WDFY1: variants seen among roughly 807,000 people sequenced by gnomAD.
WDFY1 encodes WD repeat and FYVE domain-containing protein 1.
Under a neutral mutation model 56.4 loss-of-function variants are expected in WDFY1, and 32 were observed. The ratio of observed to expected loss-of-function variants is 0.57; its 90% confidence interval spans 0.43 to 0.76. The LOEUF (loss-of-function observed/expected upper bound fraction) is 0.76. Among genes scored for constraint, WDFY1 ranks in the 30% least tolerant of loss-of-function variants. The probability of loss-of-function intolerance (pLI) is 0.00; values close to 1 mark genes in which losing one functional copy is unlikely to be tolerated. For synonymous variants in WDFY1, 192 were observed against 197.3 expected (o/e 0.97, Z 0.23); for missense variants, 480 against 545.7 (o/e 0.88, Z 1.20).
intron 1 of WDFY1, among the ~76,000 whole-genome samples, chr2:223,943,842 C>T (rs996060061): frequency 6.6e-6 from 1 of 152,212 alleles, no homozygotes; most frequent in African/African-American, 2.4e-5. Context: ...TAGCAGCAAG[C>T]TACACCTCCA....
intron 1 of WDFY1, among the ~76,000 whole-genome samples, chr2:223,922,962 C>A (rs189899753): frequency 1.3e-3 from 205 of 152,290 alleles, no homozygotes; most frequent in African/African-American, 4.7e-3. Context: ...CAAATTGGAC[C>A]TATGCTGGGA....
intron 1 of WDFY1, among the ~76,000 whole-genome samples, chr2:223,940,641 C>CT (rs1297797762): frequency 4.7e-4 from 63 of 132,870 alleles, no homozygotes; most frequent in African/African-American, 1.6e-3. Flanking sequence ...TTCCTTATTT[C>CT]TTTCTTTTTT....
chr2:223,887,105 T>C (rs996305042), intron 8 of WDFY1, among the ~76,000 whole-genome samples: 1 of 152,198 alleles, frequency 6.6e-6, no homozygotes, highest in African/African-American at 2.4e-5. Context: ...TGTGTATCTA[T>C]GTGAGAAAGA....
chr2:223,895,562 T>C lies in WDFY1; in HGVS notation c.667A>G (p.Ile223Val). The change falls in exon 7 of 12, where the codon ATC becomes GTC. Residue 223 changes from isoleucine (I) to valine (V), a missense_variant. By Grantham distance (29) the Ile-to-Val change is conservative (BLOSUM62 3). Coordinates refer to ENST00000233055, the MANE Select transcript of WDFY1 (RefSeq NM_020830.5). ...CTTCCTCCGATGTCCCACATGATGA[T>C]GCTGTTGTCAGATGCTCCTGAGAAG... ...LLFSGASDNS[I>V]IMWDIGGRKG... The C allele has an allele frequency of 6.2e-7, 1 of 1,614,008 alleles. No homozygotes were observed. The highest frequency in any genetic ancestry group is 8.5e-7 in the Non-Finnish European group (1 of 1,179,972).
At chr2:223,884,571 C>A in intron 9 of WDFY1, 77 bp downstream of exon 9, 1 of 1,411,874 alleles carries the variant, frequency 7.1e-7, no homozygotes, top group South Asian at 1.2e-5. Flanking sequence ...AAGTGTGTTT[C>A]AAAAAAACCC....
rs367834837 is a variant in WDFY1, at chr2:223,878,746, A to G, written c.1174-16T>C. 18 of 1,613,952 alleles carry G rather than the reference A, an allele frequency of 1.1e-5. No homozygotes were observed. The East Asian group carries it at 2.7e-4, about 24-fold the overall frequency. ...TGTCCCAGATCTACAAGGAAGGAAG[A>G]AACGCAGAAAAGGCAGCAGTGATAA... On this transcript the variant is annotated splice_polypyrimidine_tract_variant and intron_variant, in intron 11 of 11. Coordinates refer to ENST00000233055, the MANE Select transcript of WDFY1 (RefSeq NM_020830.5).
chr2:223,912,300 G>A lies in WDFY1; in HGVS notation c.232C>T (p.His78Tyr), dbSNP rs775872478. The A allele has an allele frequency of 6.2e-7, 1 of 1,610,908 alleles. No homozygotes were observed. The highest frequency in any genetic ancestry group is 1.7e-5 in the Admixed American group (1 of 59,112). ...ASPCSAMAYH[H>Y]DSRRIFVGQD... ...CCCACAAATATCCGTCTGCTGTCAT[G>A]ATGGTAAGCCATAGCAGAGCAAGGA... is the stretch of plus-strand genomic sequence containing the variant. Residue 78 changes from histidine (H) to tyrosine (Y), a missense_variant, in exon 3 of 12, where the codon CAT (histidine) becomes TAT (tyrosine). Physicochemically the swap from His to Tyr is moderately conservative, Grantham distance 83 (BLOSUM62 2). Transcript: ENST00000233055.
At chr2:223,944,564 G>A (rs1012655028) in intron 1 of WDFY1, among the ~76,000 whole-genome samples, 1 of 150,988 alleles carries the variant, frequency 6.6e-6, no homozygotes, top group African/African-American at 2.4e-5. Flanking sequence ...AGGTGCGTTG[G>A]GGCGCACTGG....
intron 3 of WDFY1, among the ~76,000 whole-genome samples, chr2:223,907,647 C>T (rs904546524): frequency 1.3e-5 from 2 of 152,166 alleles, no homozygotes; most frequent in African/African-American, 4.8e-5. Flanking sequence ...TACTTAGTGG[C>T]TTCTCATTAT....
At chr2:223,911,337 C>A (rs1317215780) in intron 3 of WDFY1, among the ~76,000 whole-genome samples, 1 of 151,490 alleles carries the variant, frequency 6.6e-6, no homozygotes, top group African/African-American at 2.4e-5. Flanking sequence ...AATGGTTGCA[C>A]AATCTTATGA....
intron 9 of WDFY1, among the ~76,000 whole-genome samples, chr2:223,883,791 G>A (rs1159078348): frequency 5.9e-5 from 9 of 152,086 alleles, no homozygotes; most frequent in Middle Eastern, 3.4e-3. Context: ...GATTACAGGC[G>A]TCCGCCACCA....
rs369262226 is a variant in WDFY1 at position 223,879,795 on chromosome 2, T to C, written c.1173+329A>G. On this transcript the variant is annotated intron_variant, in intron 11 of 11. Coordinates refer to ENST00000233055, the MANE Select transcript of WDFY1 (RefSeq NM_020830.5). The stretch of plus-strand genomic sequence containing the variant: ...ATTCTGCCCAGGATGAAAAGGAACA[T>C]TGGCAAGCGTAGGAATGTCTTGAGA... Among the ~76,000 whole-genome samples, 40 of 152,272 alleles carry C rather than the reference T, an allele frequency of 2.6e-4. No individual in the cohort carries two copies. In the South Asian group the frequency reaches 6.6e-3, roughly 25 times the overall value.
At chr2:223,907,534 T>A (rs760891855) in intron 3 of WDFY1, among the ~76,000 whole-genome samples, 8 of 152,202 alleles carry the variant, frequency 5.3e-5, no homozygotes. Flanking sequence ...AGTTCTTATG[T>A]GCCATCCTAT....
At chr2:223,879,403 C>T (rs376424393) in intron 11 of WDFY1, among the ~76,000 whole-genome samples, 2 of 152,020 alleles carry the variant, frequency 1.3e-5, no homozygotes, top group Admixed American at 6.5e-5. Context: ...TGCCTATAAT[C>T]CCAGTACTTT....
chr2:223,918,176 T>C (rs948102489), intron 1 of WDFY1, among the ~76,000 whole-genome samples, 166 bp from the exon 2 acceptor site: 1 of 151,908 alleles, frequency 6.6e-6, no homozygotes, highest in Admixed American at 6.6e-5. Flanking sequence ...CACATACATA[T>C]ATAGTATATA....
intron 11 of WDFY1, 146 bp downstream of exon 11, chr2:223,879,978 C>T: frequency 1.4e-6 from 1 of 717,882 alleles, no homozygotes; most frequent in Non-Finnish European, 2.4e-6. Flanking sequence ...AACTCAGAGG[C>T]AAGCAATTTG....
intron 9 of WDFY1, among the ~76,000 whole-genome samples, chr2:223,882,455 C>A (rs1172115258): frequency 6.6e-6 from 1 of 152,140 alleles, no homozygotes; most frequent in Non-Finnish European, 1.5e-5. Flanking sequence ...TAAAGTAGGG[C>A]AACAGGAGCG....
At chr2:223,884,567 G>A (rs1693138415) in intron 9 of WDFY1, 81 bp downstream of exon 9, 1 of 1,354,292 alleles carries the variant, frequency 7.4e-7, no homozygotes, top group Non-Finnish European at 1.1e-6. Context: ...AACAAAGTGT[G>A]TTTCAAAAAA....
chr2:223,945,204 G>A lies in WDFY1; in HGVS notation c.81C>T (p.Val27=), dbSNP rs1689391219. 1 of 1,599,472 alleles carries A rather than the reference G, an allele frequency of 6.3e-7. No homozygotes were observed. Among genetic ancestry groups the A allele is most frequent in the Non-Finnish European group, 8.5e-7 (1 of 1,175,844 alleles). The change falls in exon 1 of 12, where the codon GTC becomes GTT. Residue 27 remains valine (V), a synonymous_variant. Coordinates refer to ENST00000233055, the MANE Select transcript of WDFY1 (RefSeq NM_020830.5). ...LSKIEGHQDA[V]TAALLIPKED... is the part of the protein sequence containing the mutation. ...CCTTGGGGATGAGCAGCGCGGCCGT[G>A]ACGGCGTCCTGGTGCCCCTCGATCT...
Sources: gnomAD v4.1 joint callset for allele counts (sites outside exome capture counted in the v4.1 genomes callset) on GRCh38, gnomAD v4.1.1 for gene constraint, MANE v1.5 for transcripts, NCBI Gene and HGNC (gene_info 2026-07-23, HGNC 2026-07-21) for gene names.